Variants in FAM13A observed in about 807,000 individuals in gnomAD.
The protein encoded by FAM13A is family with sequence similarity 13 member A, also known as protein FAM13A.
FAM13A carries 76 observed loss-of-function variants against 129.6 expected under a neutral mutation model. The ratio of observed to expected loss-of-function variants is 0.59; its 90% CI spans 0.49 to 0.71. FAM13A has a LOEUF of 0.71. FAM13A is among the 30% of genes least tolerant of loss of function. FAM13A has a pLI of 0.00. For synonymous variants in FAM13A, 443 were observed against 449.9 expected (o/e 0.98, Z 0.20); for missense variants, 1,108 against 1,249.3 (o/e 0.89, Z 1.70).
Position 88,850,972 on chromosome 4 carries a change from G to C in FAM13A, c.1007+48C>G, listed in dbSNP as rs770097379. The C allele has an allele frequency of 2.5e-6, 4 of 1,576,744 alleles. No individual in the cohort carries two copies. In the Admixed American group the frequency reaches 5.0e-5, roughly 20 times the overall value. ...CCTACATATGCGGGCCTAAACATAA[G>C]AGCGAATAATGCAATATGGATTGTG... On this transcript the variant is annotated intron_variant, in intron 7 of 23. Coordinates refer to ENST00000264344, the MANE Select transcript of FAM13A (RefSeq NM_014883.4).
At chr4:88,806,080 C>G (rs930808417) in intron 7 of FAM13A, among the ~76,000 whole-genome samples, 7 of 152,104 alleles carry the variant, frequency 4.6e-5, no homozygotes, top group Non-Finnish European at 8.8e-5. Context: ...ATCCCTCCCC[C>G]TTGCGGTCCA....
intron 7 of FAM13A, among the ~76,000 whole-genome samples, chr4:88,842,774 A>G (rs1158370897): frequency 2.6e-5 from 4 of 152,226 alleles, no homozygotes; most frequent in African/African-American, 9.6e-5. Flanking sequence ...TTACTTATCT[A>G]CCATTTCATC....
At chr4:88,950,415 C>T (rs139165691) in intron 4 of FAM13A, among the ~76,000 whole-genome samples, 79 of 152,054 alleles carry the variant, frequency 5.2e-4, no homozygotes, top group South Asian at 4.4e-3. Context: ...TTTAATTGTG[C>T]CACCATGCCC....
chr4:88,749,978 A>C (rs1242754115), intron 15 of FAM13A, 69 bp from the exon 16 acceptor site: 12 of 1,552,922 alleles, frequency 7.7e-6, no homozygotes, highest in Non-Finnish European at 1.1e-5. Context: ...GGCCCTGGGG[A>C]AGTGGGACAC....
intron 7 of FAM13A, among the ~76,000 whole-genome samples, chr4:88,819,604 A>C (rs765613286): frequency 1.3e-5 from 2 of 152,158 alleles, no homozygotes; most frequent in Non-Finnish European, 2.9e-5. Context: ...AGATCTGACA[A>C]AACAGATTAT....
At chr4:88,978,176 T>A (rs980544768) in intron 4 of FAM13A, among the ~76,000 whole-genome samples, 2 of 152,228 alleles carry the variant, frequency 1.3e-5, no homozygotes, top group African/African-American at 2.4e-5. Context: ...AAGTAAGGAT[T>A]ACTTTCTTGC....
intron 3 of FAM13A, among the ~76,000 whole-genome samples, chr4:88,997,478 C>T (rs9307061): frequency 0.79 from 120,754 of 151,946 alleles, 48,220 homozygotes; most frequent in Middle Eastern, 0.88. Context: ...ACTCAGCACT[C>T]GAAAACTGTA....
At chr4:88,850,462 C>A (rs1237729978) in intron 7 of FAM13A, among the ~76,000 whole-genome samples, 1 of 151,960 alleles carries the variant, frequency 6.6e-6, no homozygotes, top group African/African-American at 2.4e-5. Context: ...GAGGCTGAGG[C>A]AGGATAATTG....
chr4:88,774,802 G>T (rs139952404), intron 11 of FAM13A, among the ~76,000 whole-genome samples: 5 of 152,250 alleles, frequency 3.3e-5, no homozygotes, highest in African/African-American at 1.2e-4. Context: ...TTGAAATGTT[G>T]AAGGAAGGAT....
chr4:88,802,096 G>A (rs1727582753), intron 8 of FAM13A, among the ~76,000 whole-genome samples: 1 of 152,166 alleles, frequency 6.6e-6, no homozygotes, highest in South Asian at 2.1e-4. Flanking sequence ...TAGGGGCCCT[G>A]TTGTTTGGGA....
rs1389279858 is a variant in FAM13A, at chr4:88,781,176, C to A, written c.1447G>T (p.Asp483Tyr). 1 of 1,607,754 alleles carries A rather than the reference C, an allele frequency of 6.2e-7. No individual in the cohort carries two copies. Among genetic ancestry groups the A allele is most frequent in the Admixed American group, 1.7e-5 (1 of 59,338 alleles). ...ACGTATTCACTTACCACAAGACCGT[C>A]CTGATTGTCATGAAGCTCAGAAAGT... ...TKLSELHDNQ[D>Y]GLVNMESLNS... Residue 483 changes from aspartate (D) to tyrosine (Y), a missense_variant, in exon 11 of 24, where the codon GAC becomes TAC. By Grantham distance (160) the Asp-to-Tyr change is radical. Around this residue, in one of 3 missense-constraint regions of FAM13A, gnomAD observed 566 missense variants for 595.7 expected, o/e 0.95. Transcript: ENST00000264344.
intron 4 of FAM13A, among the ~76,000 whole-genome samples, chr4:88,972,897 C>T (rs1200960459): frequency 3.9e-5 from 6 of 152,250 alleles, no homozygotes; most frequent in Non-Finnish European, 5.9e-5. Flanking sequence ...CGTGAGCCAC[C>T]GTGCCTGGCC....
intron 19 of FAM13A, among the ~76,000 whole-genome samples, chr4:88,739,786 CAAAAAA>C (rs34007551): frequency 1.3e-4 from 9 of 67,930 alleles, no homozygotes; most frequent in Admixed American, 3.5e-4. Context: ...GACTCTGTCT[CAAAAAA>C]AAAAAAAAAA....
At chr4:88,800,055 G>T (rs1277266581) in intron 8 of FAM13A, among the ~76,000 whole-genome samples, 1 of 152,154 alleles carries the variant, frequency 6.6e-6, no homozygotes, top group East Asian at 1.9e-4. Flanking sequence ...GTCACAAAAG[G>T]ACAAAGACTG....
chr4:88,915,796 T>C (rs1475294880), intron 5 of FAM13A, among the ~76,000 whole-genome samples: 2 of 152,106 alleles, frequency 1.3e-5, no homozygotes, highest in African/African-American at 4.8e-5. Context: ...CCCTCAAGAA[T>C]AGATTAATTC....
At chr4:88,829,344 T>C (rs1733526338) in intron 7 of FAM13A, among the ~76,000 whole-genome samples, 1 of 152,124 alleles carries the variant, frequency 6.6e-6, no homozygotes, top group Non-Finnish European at 1.5e-5. Flanking sequence ...GAGGCTGAGG[T>C]GGGAGGACTG....
rs1314035787 is a variant in FAM13A, at chr4:89,028,211, A to G, written c.217+1249T>C. 4.0e-5 allele frequency among the ~76,000 whole-genome samples: 6 copies of G among 151,578 alleles called. No homozygotes were observed. In the East Asian group the frequency reaches 5.8e-4, roughly 15 times the overall value. Reference sequence around the variant, plus strand: ...ACAAAAGCTAACCTCCGTCTCAAAAAAAAAAAAAAAAAGCCCCCAAAAACT... The same window carrying G: ...ACAAAAGCTAACCTCCGTCTCAAAAGAAAAAAAAAAAAGCCCCCAAAAACT... On this transcript the variant is annotated intron_variant, in intron 2 of 23. Transcript: ENST00000264344.
At chr4:88,882,536 T>C (rs1412860813) in intron 6 of FAM13A, among the ~76,000 whole-genome samples, 1 of 150,394 alleles carries the variant, frequency 6.6e-6, no homozygotes, top group Non-Finnish European at 1.5e-5. Context: ...ATTTTGAAAA[T>C]ATACCAACAT....
At chr4:88,908,935 G>C (rs532542749) in intron 5 of FAM13A, among the ~76,000 whole-genome samples, 1 of 152,296 alleles carries the variant, frequency 6.6e-6, no homozygotes, top group East Asian at 1.9e-4. Context: ...ATGGTACTTA[G>C]ATTTCTGGAG....
Sources: gnomAD v4.1 joint callset for allele counts (sites outside exome capture counted in the v4.1 genomes callset) on GRCh38, gnomAD v4.1.1 for gene constraint, gnomAD v4.1.1 regional missense constraint, MANE v1.5 for transcripts, NCBI Gene and HGNC (gene_info 2026-07-23, HGNC 2026-07-21) for gene names.